Variants in RGS7 observed in about 807,000 individuals in gnomAD.
RGS7 encodes the protein regulator of G protein signaling 7.
Under a neutral mutation model 81.1 loss-of-function variants are expected in RGS7, and 27 were observed. The observed-to-expected ratio is 0.33, with a 90% CI of 0.25 to 0.46. RGS7 has a LOEUF of 0.46. RGS7 is among the 20% of genes least tolerant of loss of function. RGS7 has a pLI of 1.00. For missense variants in RGS7, 396 were observed against 607.4 expected (o/e 0.65, Z 3.66); for synonymous variants, 208 against 207.7 (o/e 1.00, Z -0.01).
At chr1:241,106,752 C>CCACACA (rs778017157) in intron 2 of RGS7, among the ~76,000 whole-genome samples, 9,581 of 121,494 alleles carry the variant, frequency 0.079, 936 homozygotes, top group African/African-American at 0.23. Flanking sequence ...AACACCACCA[C>CCACACA]CACACACACA....
intron 2 of RGS7, among the ~76,000 whole-genome samples, chr1:241,161,676 ATACATGTAC>A (rs1478769458): frequency 6.6e-6 from 1 of 150,898 alleles, no homozygotes; most frequent in Non-Finnish European, 1.5e-5. Context: ...TATACATGTA[ATACATGTAC>A]ATTACATCTC....
At chr1:241,012,763 TC>T in intron 3 of RGS7, among the ~76,000 whole-genome samples, 1 of 152,134 alleles carries the variant, frequency 6.6e-6, no homozygotes, top group East Asian at 1.9e-4. Flanking sequence ...TCTCTCTGAG[TC>T]CCCCTTAACC....
intron 2 of RGS7, among the ~76,000 whole-genome samples, chr1:241,118,175 A>G (rs1481049245): frequency 6.6e-6 from 1 of 152,236 alleles, no homozygotes; most frequent in Admixed American, 6.5e-5. Flanking sequence ...CTGGAACATG[A>G]TTCAACCAGC....
intron 2 of RGS7, among the ~76,000 whole-genome samples, chr1:241,255,790 C>T (rs1175769383): frequency 6.6e-6 from 1 of 152,174 alleles, no homozygotes; most frequent in Non-Finnish European, 1.5e-5. Context: ...GTGGTTCCTA[C>T]CGCGATGTGC....
chr1:241,073,174 CA>C (rs138122010), intron 3 of RGS7, among the ~76,000 whole-genome samples: 1 of 151,722 alleles, frequency 6.6e-6, no homozygotes, highest in Non-Finnish European at 1.5e-5. Flanking sequence ...TCCTTTATTC[CA>C]AAAAAAACCC....
chr1:241,355,977 A>G (rs938489731), intron 1 of RGS7, among the ~76,000 whole-genome samples, 151 bp from the exon 2 acceptor site: 2 of 152,178 alleles, frequency 1.3e-5, no homozygotes, highest in Non-Finnish European at 2.9e-5. Context: ...TTAAAAAGTG[A>G]GTTGACACCT....
chr1:241,296,116 T>C (rs73123938), intron 2 of RGS7, among the ~76,000 whole-genome samples: 1 of 151,930 alleles, frequency 6.6e-6, no homozygotes, highest in East Asian at 1.9e-4. Context: ...ATTATCTGTA[T>C]AGACAGGAGA....
chr1:241,271,861 T>TC lies in RGS7; in HGVS notation c.78+83837dup, dbSNP rs2077913778. On this transcript the variant is annotated intron_variant, in intron 2 of 18. Coordinates refer to ENST00000440928, the MANE Select transcript of RGS7 (RefSeq NM_001364886.1). The surrounding 1 kb of genome is among the most constrained non-coding windows in gnomAD (Gnocchi z 4.6). Reference sequence around the variant, plus strand: ...AGATTATGGGACTTAACCTCCACAATCACACAAGCCAAATCTTTATAACGT... The same window carrying TC: ...AGATTATGGGACTTAACCTCCACAATCCACACAAGCCAAATCTTTATAACGT... 1.4e-5 allele frequency among the ~76,000 whole-genome samples: 2 copies of TC among 147,450 alleles called. No individual in the cohort carries two copies. The highest frequency in any genetic ancestry group is 4.3e-4 in the South Asian group (2 of 4,628).
At chr1:241,273,745 G>A (rs562817675) in intron 2 of RGS7, among the ~76,000 whole-genome samples, 81 of 152,216 alleles carry the variant, frequency 5.3e-4, no homozygotes, top group African/African-American at 1.9e-3. Context: ...CCTCTCTCCT[G>A]CTCTACCCCT....
At chr1:241,332,208 G>C (rs1398842301) in intron 2 of RGS7, among the ~76,000 whole-genome samples, 1 of 152,180 alleles carries the variant, frequency 6.6e-6, no homozygotes, top group African/African-American at 2.4e-5. Context: ...CTGTCTAGAG[G>C]AGGCCCACAG....
intron 1 of RGS7, among the ~76,000 whole-genome samples, chr1:241,356,143 G>T (rs1001496466): frequency 6.7e-6 from 1 of 149,846 alleles, no homozygotes; most frequent in Non-Finnish European, 1.5e-5. Flanking sequence ...CTAGTACAGA[G>T]TTCTCTTCTC....
chr1:240,869,260 A>C (rs1243841791), intron 7 of RGS7, among the ~76,000 whole-genome samples: 1 of 152,156 alleles, frequency 6.6e-6, no homozygotes, highest in Non-Finnish European at 1.5e-5. Flanking sequence ...CTGACAATAC[A>C]TGGCACACCC....
chr1:240,869,088 G>GAGAA (rs2148024138), intron 7 of RGS7, among the ~76,000 whole-genome samples: 1 of 152,172 alleles, frequency 6.6e-6, no homozygotes, highest in South Asian at 2.1e-4. Context: ...ACTGACTTTG[G>GAGAA]AGAACAGGAC....
intron 4 of RGS7, among the ~76,000 whole-genome samples, chr1:240,953,407 G>C (rs1679873200): frequency 6.6e-6 from 1 of 151,712 alleles, no homozygotes; most frequent in African/African-American, 2.4e-5. Flanking sequence ...AGATGCAAAG[G>C]AATTAAACTA....
At chr1:240,817,839 G>A (rs1293708702) in intron 10 of RGS7, among the ~76,000 whole-genome samples, 1 of 152,144 alleles carries the variant, frequency 6.6e-6, no homozygotes, top group African/African-American at 2.4e-5. Flanking sequence ...CTGACCTCAG[G>A]CGACCCATCC....
intron 2 of RGS7, among the ~76,000 whole-genome samples, chr1:241,247,876 G>A (rs1353975538): frequency 2.6e-5 from 4 of 152,098 alleles, no homozygotes; most frequent in Non-Finnish European, 5.9e-5. Context: ...AATGCTTCAC[G>A]TACACATAAA....
chr1:240,931,460 A>C (rs1675425249), intron 5 of RGS7, among the ~76,000 whole-genome samples: 1 of 152,330 alleles, frequency 6.6e-6, no homozygotes, highest in East Asian at 1.9e-4. Context: ...ACAAAGAATA[A>C]ATGCTTGAGG....
chr1:241,299,584 AT>A (rs1170099570), intron 2 of RGS7, among the ~76,000 whole-genome samples: 1 of 151,886 alleles, frequency 6.6e-6, no homozygotes, highest in African/African-American at 2.4e-5. Flanking sequence ...GTATCACTAC[AT>A]ATCCAGCATC....
intron 3 of RGS7, among the ~76,000 whole-genome samples, chr1:240,997,448 GTTT>G (rs942703914): frequency 7.2e-5 from 11 of 152,058 alleles, no homozygotes; most frequent in African/African-American, 2.2e-4. Flanking sequence ...AATTTTTAAT[GTTT>G]TTTAGCTAAT....
Sources: allele counts gnomAD v4.1 joint callset (sites outside exome capture counted in the v4.1 genomes callset), GRCh38; gene constraint gnomAD v4.1.1; non-coding constraint Gnocchi (gnomAD v3.1); transcripts MANE v1.5; gene names NCBI Gene and HGNC (gene_info 2026-07-23, HGNC 2026-07-21).